Variants in SCUBE2 observed in about 807,000 individuals in gnomAD.
SCUBE2 encodes the protein signal peptide, CUB and EGF-like domain-containing protein 2.
Under a neutral mutation model 125.9 loss-of-function variants are expected in SCUBE2, and 114 were observed. That is an observed-to-expected ratio of 0.91 (90% CI 0.78 to 1.06). SCUBE2 has a LOEUF of 1.06. SCUBE2 is among the 50% of genes least tolerant of loss of function. The pLI, the probability that SCUBE2 is intolerant of heterozygous loss-of-function variation, is 0.00. For missense variants in SCUBE2, 1,255 were observed against 1,301.8 expected, an observed-to-expected ratio of 0.96 and a Z score of 0.55; for synonymous variants, 459 against 492.9, an observed-to-expected ratio of 0.93 and a Z score of 0.91.
At chr11:9,030,179 G>A (rs1856179269) in intron 18 of SCUBE2, 134 bp from the exon 19 acceptor site, 2 of 961,728 alleles carry the variant, frequency 2.1e-6, no homozygotes, top group Non-Finnish European at 3.1e-6. Context: ...CCAATCTGGG[G>A]CTAATCAACA....
At chr11:9,050,462 G>A (rs561302119) in intron 14 of SCUBE2, 144 bp downstream of exon 14, 1 of 660,046 alleles carries the variant, frequency 1.5e-6, no homozygotes, top group African/African-American at 1.8e-5. Flanking sequence ...TGAGTCCCTG[G>A]AAGTTGGGGA....
chr11:9,057,959 A>G (rs1263636197), intron 9 of SCUBE2, among the ~76,000 whole-genome samples: 1 of 152,222 alleles, frequency 6.6e-6, no homozygotes, highest in Non-Finnish European at 1.5e-5. Context: ...CTAAAAATAG[A>G]AAACAGCTTT....
intron 19 of SCUBE2, 139 bp from the exon 20 acceptor site, chr11:9,027,700 G>T: frequency 1.4e-6 from 1 of 718,572 alleles, no homozygotes; most frequent in Non-Finnish European, 2.3e-6. Context: ...GAATGAGTCT[G>T]TCCTTCCCAG....
chr11:9,031,739 CAA>C (rs904018775), intron 17 of SCUBE2, among the ~76,000 whole-genome samples: 1 of 151,744 alleles, frequency 6.6e-6, no homozygotes, highest in Non-Finnish European at 1.5e-5. Context: ...CATAAACAAA[CAA>C]AAGGATTTCT....
intron 16 of SCUBE2, among the ~76,000 whole-genome samples, chr11:9,036,110 G>A (rs10734641): frequency 0.42 from 63,748 of 151,972 alleles, 15,823 homozygotes; most frequent in Non-Finnish European, 0.55. Flanking sequence ...GGCTGGTCTC[G>A]AACTCCTGAC....
At chr11:9,053,897 C>G (rs1858703367) in intron 10 of SCUBE2, 138 bp from the exon 11 acceptor site, 2 of 1,039,616 alleles carry the variant, frequency 1.9e-6, no homozygotes, top group Non-Finnish European at 1.4e-6. Context: ...ATGCCTTTAG[C>G]ATGAGCGCTC....
chr11:9,089,956 G>T (rs1862496373), intron 1 of SCUBE2, 127 bp from the exon 2 acceptor site: 1 of 1,241,550 alleles, frequency 8.1e-7, no homozygotes. Context: ...AGCTGCTTGG[G>T]ATCCCTGGGA....
intron 16 of SCUBE2, 124 bp from the exon 17 acceptor site, chr11:9,033,920 G>GA (rs765667620): frequency 1.2e-4 from 107 of 894,606 alleles, no homozygotes; most frequent in Non-Finnish European, 1.4e-4. Flanking sequence ...CAAACTCCCT[G>GA]AATACGCAGT....
At position 9,033,724 on chromosome 11, in the gene SCUBE2, T is replaced by A; in HGVS notation, c.2075A>T (p.Gln692Leu). The A allele has an allele frequency of 6.2e-7, 1 of 1,614,142 alleles. No individual in the cohort carries two copies. The highest frequency in any genetic ancestry group is 8.5e-7 in the Non-Finnish European group (1 of 1,179,992). The change falls in exon 17 of 23, where the codon CAA becomes CTA. Residue 692 changes from glutamine (Q) to leucine (L), a missense_variant. Gln to Leu is a moderately radical substitution (Grantham distance 113). Around this residue, in one of 3 missense-constraint regions of SCUBE2, gnomAD observed 515 missense variants for 515.7 expected, o/e 1.00. Transcript: ENST00000649792. ...ACAAGTCATTTGTCCTTCCTCATTT[T>A]GGAAGGTTCCATTTGGACATAAAAT... ...RCILCPNGTF[Q>L]NEEGQMTCEP... is the part of the protein sequence containing the mutation.
At chr11:9,047,703 G>A (rs1462437103) in intron 15 of SCUBE2, 141 bp from the exon 16 acceptor site, 1 of 962,070 alleles carries the variant, frequency 1.0e-6, no homozygotes, top group African/African-American at 1.6e-5. Context: ...GCACCTAGCA[G>A]GCTGGGCAGC....
At position 9,065,953 on chromosome 11, in the gene SCUBE2, G is replaced by GT; in HGVS notation, c.787dup (p.Thr263AsnfsTer13). The GT allele has an allele frequency of 1.2e-6, 2 of 1,614,120 alleles. No homozygotes were observed. Among genetic ancestry groups the GT allele is most frequent in the Non-Finnish European group, 1.7e-6 (2 of 1,179,978 alleles). The stretch of plus-strand genomic sequence containing the variant: ...CACCACTGATGTGGTGTTGCTCTCT[G>GT]TCACCTCCAGGACAGTGTCCTCTCG... On this transcript the variant is annotated frameshift_variant, in exon 7 of 23. Transcript: ENST00000649792. LOFTEE classifies it high-confidence loss of function.
At chr11:9,030,235 G>C in intron 18 of SCUBE2, 190 bp from the exon 19 acceptor site, 1 of 620,508 alleles carries the variant, frequency 1.6e-6, no homozygotes, top group Admixed American at 3.0e-5. Context: ...ATGAAATAGA[G>C]AAATATAGAG....
intron 2 of SCUBE2, among the ~76,000 whole-genome samples, chr11:9,086,510 G>C (rs2135989835): frequency 6.6e-6 from 1 of 152,152 alleles, no homozygotes; most frequent in African/African-American, 2.4e-5. Flanking sequence ...TTTCCTTCTT[G>C]GGAGAAAATT....
rs2135398023 is a variant in SCUBE2 at position 9,047,519 on chromosome 11, C to A, written c.1839G>T (p.Arg613=). ...TGAGCGTGCGGATGGCTTTACGGAG[C>A]CGCTTCTCGGTTCGCTTTACGATGC... ...LSCIVKRTEK[R]LRKAIRTLRK... Residue 613 remains arginine, a synonymous_variant, in exon 16 of 23, where the codon CGG becomes CGT. Transcript: ENST00000649792. 1 of 1,614,000 alleles carries A rather than the reference C, an allele frequency of 6.2e-7. No homozygotes were observed. The highest frequency in any genetic ancestry group is 8.5e-7 in the Non-Finnish European group (1 of 1,180,006).
chr11:9,058,121 CTCCCTCTCTGCCT>C (rs1052538592), intron 9 of SCUBE2, among the ~76,000 whole-genome samples: 3 of 152,208 alleles, frequency 2.0e-5, no homozygotes, highest in South Asian at 2.1e-4. Flanking sequence ...AGCCCTCCCC[CTCCCTCTCTGCCT>C]TCCCTCTCTT....
intron 6 of SCUBE2, 115 bp downstream of exon 6, chr11:9,066,581 TG>T (rs919840124): frequency 2.5e-5 from 21 of 837,746 alleles, no homozygotes; most frequent in Admixed American, 1.5e-4. Context: ...CAGGGCCTGC[TG>T]GGGGGGCAAA....
At position 9,021,898 on chromosome 11, in the gene SCUBE2, T is replaced by G; in HGVS notation, c.2912A>C (p.Glu971Ala). 1 of 1,613,808 alleles carries G rather than the reference T, an allele frequency of 6.2e-7. No individual in the cohort carries two copies. Among genetic ancestry groups the G allele is most frequent in the Non-Finnish European group, 8.5e-7 (1 of 1,179,718 alleles). The part of the protein sequence containing the change: ...IVRDGRLYAS[E>A]NHQEILKDKK... Reference sequence around the variant, plus strand: ...CACCTTAAGTATTTCCTGATGGTTCTCAGATGCATAGAGCCTGCCATCTCG... The same window carrying G: ...CACCTTAAGTATTTCCTGATGGTTCGCAGATGCATAGAGCCTGCCATCTCG... Residue 971 changes from glutamate (E) to alanine (A), a missense_variant, in exon 22 of 23, where the codon GAG (glutamate) becomes GCG (alanine). By Grantham distance (107) the Glu-to-Ala change is moderately radical. Coordinates refer to ENST00000649792, the MANE Select transcript of SCUBE2 (RefSeq NM_001367977.2).
At chr11:9,042,305 G>A (rs61876300) in intron 16 of SCUBE2, among the ~76,000 whole-genome samples, 10,529 of 151,882 alleles carry the variant, frequency 0.069, 543 homozygotes, top group African/African-American at 0.14. Context: ...CCTATTCTTC[G>A]TCCCCATGGC....
At chr11:9,041,983 G>A (rs1196606167) in intron 16 of SCUBE2, among the ~76,000 whole-genome samples, 1 of 152,142 alleles carries the variant, frequency 6.6e-6, no homozygotes, top group East Asian at 1.9e-4. Context: ...TTAGAGGCAT[G>A]GGCTGCCCAT....
Sources: allele counts gnomAD v4.1 joint callset (sites outside exome capture counted in the v4.1 genomes callset), GRCh38; gene constraint gnomAD v4.1.1; regional missense constraint gnomAD v4.1.1; transcripts MANE v1.5; gene names NCBI Gene and HGNC (gene_info 2026-07-23, HGNC 2026-07-21).